Variants in CEP104 observed in about 807,000 individuals in gnomAD.
CEP104 encodes centrosomal protein 104, also known as centrosomal protein of 104 kDa.
Under a neutral mutation model 113.3 loss-of-function variants are expected in CEP104, and 84 were observed. The observed-to-expected ratio is 0.74, with a 90% CI of 0.62 to 0.89. CEP104 has a LOEUF of 0.89. Among genes scored for constraint, CEP104 ranks in the 40% least tolerant of loss-of-function variants. CEP104 has a pLI of 0.00. For missense variants in CEP104, 1,053 were observed against 1,156.6 expected (o/e 0.91, Z 1.30); for synonymous variants, 378 against 421.7 (o/e 0.90, Z 1.27).
chr1:3,850,324 C>G (rs1013462920), intron 2 of CEP104, among the ~76,000 whole-genome samples: 3 of 152,194 alleles, frequency 2.0e-5, no homozygotes, highest in Admixed American at 1.3e-4. Flanking sequence ...GCTAAAAAGG[C>G]TAGTATGCAT....
intron 8 of CEP104, among the ~76,000 whole-genome samples, chr1:3,838,351 A>C (rs1644353313): frequency 1.3e-5 from 2 of 152,184 alleles, no homozygotes; most frequent in Middle Eastern, 3.4e-3. Context: ...GGGTCTCTCT[A>C]TGTTGCCCAG....
At position 3,823,165 on chromosome 1, in the gene CEP104, G is replaced by A. The variant is rs1644012920; in HGVS notation, c.2571+9C>T. ...TACTTCACTGGTCCCTTCTCCCCAG[G>A]CCCCTCACCTCTTCTCCAGGGCTGA... On this transcript the variant is annotated intron_variant, in intron 20 of 21. Coordinates refer to ENST00000378230, the MANE Select transcript of CEP104 (RefSeq NM_014704.4). This position sits in a 1 kb window ranked among gnomAD's most constrained non-coding sequence, Gnocchi z 4.1. 6.2e-7 allele frequency: 1 copy of A among 1,613,560 alleles called. No individual in the cohort carries two copies. The highest frequency in any genetic ancestry group is 1.3e-5 in the African/African-American group (1 of 74,878).
Position 3,847,710 on chromosome 1 carries a change from T to G in CEP104, c.288-97A>C, listed in dbSNP as rs1001714712. The G allele has an allele frequency of 5.3e-6, 7 of 1,319,154 alleles. No individual in the cohort carries two copies. In the Admixed American group the frequency reaches 5.7e-5, roughly 11 times the overall value. 81.7% of individuals were successfully genotyped at this position (1,319,154 alleles called of 1,614,324 possible). On this transcript the variant is annotated intron_variant, in intron 3 of 21. Coordinates refer to ENST00000378230, the MANE Select transcript of CEP104 (RefSeq NM_014704.4). ...ACTCAATAGGCTCATTTATGTTTAT[T>G]GTTTTATTTTTTAAAGCTAGACTAC...
chr1:3,853,815 C>T (rs940558494), intron 1 of CEP104, among the ~76,000 whole-genome samples: 1 of 152,106 alleles, frequency 6.6e-6, no homozygotes, highest in Non-Finnish European at 1.5e-5. Flanking sequence ...CAGGATGAGG[C>T]TGGGTGTGGT....
intron 12 of CEP104, 72 bp downstream of exon 12, chr1:3,833,790 G>A: frequency 7.0e-7 from 1 of 1,425,532 alleles, no homozygotes; most frequent in Non-Finnish European, 9.8e-7. Context: ...TGTAAAAGGT[G>A]TTAAGAAAGC....
At position 3,838,865 on chromosome 1, in the gene CEP104, C is replaced by T. The variant is rs563817855; in HGVS notation, c.891+99G>A. 178 of 1,315,734 alleles carry T rather than the reference C, an allele frequency of 1.4e-4. 1 individual carries two copies. Among genetic ancestry groups the T allele is most frequent in the Non-Finnish European group, 1.3e-4 (122 of 931,774 alleles). The allele number at this position is 1,315,734 out of a possible 1,614,324, so 81.5% of individuals were successfully genotyped here. On this transcript the variant is annotated intron_variant, in intron 8 of 21. Transcript: ENST00000378230. ...CCCCTGAGCACTGCAGAGTGTTTTA[C>T]ACTACACTTCAAAGACATCTATCCA... is the stretch of plus-strand genomic sequence containing the variant.
In CEP104 at chr1:3,829,908, A is replaced by G. The variant is rs774876636; in HGVS notation, c.1926T>C (p.Ala642=). 5 of 1,614,050 alleles carry G rather than the reference A, an allele frequency of 3.1e-6. No individual in the cohort carries two copies. The South Asian group carries it at 4.4e-5, about 14-fold the overall frequency. Reference sequence around the variant, plus strand: ...CTGGAGGAAGGTACTCCAGGATGGAAGCCTGGTGCTGTCTGTACATGTCCA... The same window carrying G: ...CTGGAGGAAGGTACTCCAGGATGGAGGCCTGGTGCTGTCTGTACATGTCCA... ...IILDMYRQHQ[A]SILEYLPPDD... Residue 642 remains alanine (A), a synonymous_variant, in exon 14 of 22, where the codon GCT becomes GCC. Transcript: ENST00000378230.
chr1:3,825,615 G>A lies in CEP104; in HGVS notation c.2364+143C>T, dbSNP rs7530291. 0.62 allele frequency: 379,082 copies of A among 616,014 alleles called. 119,607 individuals are homozygous for A. Among genetic ancestry groups the A allele is most frequent in the African/African-American group, 0.86 (47,153 of 54,606 alleles). The allele number at this position is 616,014 out of a possible 1,614,324, so 38.2% of individuals were successfully genotyped here. On this transcript the variant is annotated intron_variant, in intron 18 of 21. Coordinates refer to ENST00000378230, the MANE Select transcript of CEP104 (RefSeq NM_014704.4). Reference sequence around the variant, plus strand: ...TATGGAATGACTCGCACGCATTTGCGGGTGTGTGCTTGGCTTCAGTTACTT... The same window carrying A: ...TATGGAATGACTCGCACGCATTTGCAGGTGTGTGCTTGGCTTCAGTTACTT...
chr1:3,840,633 G>A (rs1224701639), intron 6 of CEP104, among the ~76,000 whole-genome samples: 6 of 152,194 alleles, frequency 3.9e-5, no homozygotes. Context: ...CTGCCTCCTG[G>A]GTTCAAGCAA....
chr1:3,839,395 C>T (rs779447868), intron 7 of CEP104, among the ~76,000 whole-genome samples: 1 of 152,106 alleles, frequency 6.6e-6, no homozygotes, highest in Non-Finnish European at 1.5e-5. Flanking sequence ...GACCCTGACA[C>T]CTGAACGTGA....
Position 3,823,417 on chromosome 1 carries a change from C to T in CEP104, c.2503+7G>A, listed in dbSNP as rs991373364. On this transcript the variant is annotated splice_region_variant and intron_variant, in intron 19 of 21. Coordinates refer to ENST00000378230, the MANE Select transcript of CEP104 (RefSeq NM_014704.4). This position sits in a 1 kb window ranked among gnomAD's most constrained non-coding sequence, Gnocchi z 4.1. ...GAGGGCACGGGAGCCTGGGAAGGGG[C>T]ACTCACGGTTGCAATCCTTGTGTTT... is the stretch of plus-strand genomic sequence containing the variant. 6.2e-7 allele frequency: 1 copy of T among 1,614,200 alleles called. No homozygotes were observed. Among genetic ancestry groups the T allele is most frequent in the African/African-American group, 1.3e-5 (1 of 75,060 alleles).
Position 3,829,251 on chromosome 1 carries a change from G to A in CEP104, c.2151+15C>T, listed in dbSNP as rs773370802. 103 of 1,531,962 alleles carry A rather than the reference G, an allele frequency of 6.7e-5. No homozygotes were observed. The highest frequency in any genetic ancestry group is 8.3e-5 in the Non-Finnish European group (94 of 1,132,454). 94.9% of individuals were successfully genotyped at this position (1,531,962 alleles called of 1,614,324 possible). ...AGCTAAAAGCACACAGGTGAAAGAC[G>A]TGTTAACTTCCAACCTGAACTTCAG... On this transcript the variant is annotated intron_variant, in intron 15 of 21. Coordinates refer to ENST00000378230, the MANE Select transcript of CEP104 (RefSeq NM_014704.4).
At position 3,826,378 on chromosome 1, in the gene CEP104, A is replaced by G. The variant is rs1475857160; in HGVS notation, c.2247T>C (p.Tyr749=). The part of the protein sequence containing the change: ...AEALGIPDEH[Y]LDNLCIFCGE... Reference sequence around the variant, plus strand: ...AAGACAGCGCGACTTACTTATCTAGATAGTGCTCATCCGGGATTCCCAGAG... The same window carrying G: ...AAGACAGCGCGACTTACTTATCTAGGTAGTGCTCATCCGGGATTCCCAGAG... The change falls in exon 17 of 22, where the codon TAT becomes TAC. Residue 749 remains tyrosine, a synonymous_variant. Transcript: ENST00000378230. 6.2e-7 allele frequency: 1 copy of G among 1,613,940 alleles called. No individual in the cohort carries two copies. Among genetic ancestry groups the G allele is most frequent in the Non-Finnish European group, 8.5e-7 (1 of 1,179,864 alleles).
At chr1:3,822,708 T>A (rs2027546) in intron 20 of CEP104, 103,143 of 154,258 alleles carry the variant, frequency 0.67, 36,086 homozygotes, top group African/African-American at 0.89. Flanking sequence ...CGTCCCCACT[T>A]GCCTGCTGAG....
chr1:3,847,290 C>T (rs1644524599), intron 4 of CEP104, among the ~76,000 whole-genome samples, 185 bp downstream of exon 4: 1 of 152,206 alleles, frequency 6.6e-6, no homozygotes, highest in African/African-American at 2.4e-5. Flanking sequence ...TCGTGGTGGG[C>T]ACTGGCCACG....
Position 3,830,145 on chromosome 1 carries a change from A to G in CEP104, c.1837-148T>C, listed in dbSNP as rs878924731. The G allele has an allele frequency of 6.5e-5, 41 of 628,538 alleles. 2 individuals are homozygous for G. The South Asian group carries it at 7.3e-4, about 11-fold the overall frequency. The allele number at this position is 628,538 out of a possible 1,614,324, so 38.9% of individuals were successfully genotyped here. A position where few individuals can be genotyped will look rare whatever the true frequency, so the allele number is the denominator to read the frequency against. On this transcript the variant is annotated intron_variant, in intron 13 of 21. Transcript: ENST00000378230. ...TGAAATACTTCAAACATAAAACCTCACGGATCTACCGTCTCATCGTAAGCC... is the reference window on the plus strand; with the variant it reads ...TGAAATACTTCAAACATAAAACCTCGCGGATCTACCGTCTCATCGTAAGCC...
intron 6 of CEP104, among the ~76,000 whole-genome samples, chr1:3,844,475 C>T (rs557859619): frequency 7.9e-5 from 12 of 151,734 alleles, no homozygotes; most frequent in Non-Finnish European, 1.3e-4. Context: ...TCCAGCCTGG[C>T]GACAGAGCAA....
chr1:3,818,582 C>T (rs1160882555), intron 20 of CEP104, among the ~76,000 whole-genome samples: 8 of 152,182 alleles, frequency 5.3e-5, no homozygotes, highest in Non-Finnish European at 1.2e-4. Context: ...GCATAGGGCC[C>T]GCCAGGCCAT....
At position 3,856,689 on chromosome 1, in the gene CEP104, G is replaced by A. The variant is rs548780179; in HGVS notation, c.-15+200C>T. 3.0e-3 allele frequency among the ~76,000 whole-genome samples: 450 copies of A among 152,258 alleles called. 2 individuals carry two copies. Among genetic ancestry groups the A allele is most frequent in the Non-Finnish European group, 4.8e-3 (325 of 68,008 alleles). ...ACCCGTGCTGAGCTCCCCGGCATAC[G>A]GCACGACGGGGCCGCGCCGGCTCTT... is the stretch of plus-strand genomic sequence containing the variant. On this transcript the variant is annotated intron_variant, in intron 1 of 21. Transcript: ENST00000378230.
Sources: gnomAD v4.1 joint callset for allele counts (sites outside exome capture counted in the v4.1 genomes callset) on GRCh38, gnomAD v4.1.1 for gene constraint, Gnocchi (gnomAD v3.1) non-coding constraint, MANE v1.5 for transcripts, NCBI Gene and HGNC (gene_info 2026-07-23, HGNC 2026-07-21) for gene names.